SYT7: variants seen among roughly 807,000 people sequenced by gnomAD.
The protein encoded by SYT7 is synaptotagmin 7.
A neutral mutation model predicts 75.1 loss-of-function variants in SYT7; 29 were observed. The ratio of observed to expected loss-of-function variants is 0.39; its 90% CI spans 0.29 to 0.53. The LOEUF (loss-of-function observed/expected upper bound fraction) is 0.53, where lower values mean the gene tolerates loss of function less well. Ranked by LOEUF, SYT7 falls within the 20% of genes least tolerant of loss-of-function variation. SYT7 has a pLI of 0.77. For synonymous variants in SYT7, 376 were observed against 401.7 expected, an observed-to-expected ratio of 0.94 and a Z score of 0.76; for missense variants, 693 against 953.2, an observed-to-expected ratio of 0.73 and a Z score of 3.59.
chr11:61,561,169 C>T (rs547094734), intron 1 of SYT7, among the ~76,000 whole-genome samples: 3 of 152,306 alleles, frequency 2.0e-5, no homozygotes, highest in African/African-American at 7.2e-5. Flanking sequence ...CCTAGTCAGC[C>T]TTTTGACAGG....
At chr11:61,574,148 C>T (rs2064002112) in intron 1 of SYT7, among the ~76,000 whole-genome samples, 1 of 152,242 alleles carries the variant, frequency 6.6e-6, no homozygotes, top group South Asian at 2.1e-4. Flanking sequence ...TTGCTTGGTA[C>T]AGGACAATGT....
At chr11:61,571,441 G>A (rs537442898) in intron 1 of SYT7, among the ~76,000 whole-genome samples, 144 of 152,346 alleles carry the variant, frequency 9.5e-4, no homozygotes, top group Middle Eastern at 6.8e-3. Flanking sequence ...ACGTGTTCCC[G>A]TCTCTGAGCA....
chr11:61,550,098 A>T (rs1015999867), intron 3 of SYT7, among the ~76,000 whole-genome samples: 3 of 152,156 alleles, frequency 2.0e-5, no homozygotes, highest in Non-Finnish European at 4.4e-5. Flanking sequence ...CCCTGCCAGC[A>T]CTTGGCTTTG....
In SYT7 at chr11:61,551,474, A is replaced by G. The variant is rs374922970; in HGVS notation, c.136-11T>C. 4.3e-6 allele frequency: 7 copies of G among 1,613,420 alleles called. No individual in the cohort carries two copies. In the African/African-American group the frequency reaches 9.3e-5, roughly 22 times the overall value. On this transcript the variant is annotated splice_polypyrimidine_tract_variant and intron_variant, in intron 2 of 12. Coordinates refer to ENST00000539008, the MANE Select transcript of SYT7 (RefSeq NM_001365809.2). The surrounding 1 kb of genome is among the most constrained non-coding windows in gnomAD (Gnocchi z 5.3). ...CTTGTAGCGTTTGCCCTGTGGAGAT[A>G]GCACTAGGATCACTCCTGGGGAACA...
intron 7 of SYT7, among the ~76,000 whole-genome samples, chr11:61,536,034 C>T (rs1377606057): frequency 2.0e-5 from 3 of 152,094 alleles, no homozygotes; most frequent in African/African-American, 7.2e-5. Flanking sequence ...GGAGAGTCTG[C>T]TGGGAAGGAA....
At chr11:61,540,546 G>T (rs767847158) in intron 6 of SYT7, 4 of 985,532 alleles carry the variant, frequency 4.1e-6, no homozygotes, top group Non-Finnish European at 4.8e-6. Context: ...AGCAACTAGG[G>T]GGACATGAGA....
rs763698723 is a variant in SYT7 at position 61,527,963 on chromosome 11, T to C, written c.1423A>G (p.Lys475Glu). 6.2e-7 allele frequency: 1 copy of C among 1,614,002 alleles called. No homozygotes were observed. Among genetic ancestry groups the C allele is most frequent in the Non-Finnish European group, 8.5e-7 (1 of 1,180,014 alleles). ...DKKHKLETKV[K>E]RKNLNPHWNE... ...CAGTGGGGGTTCAGGTTCTTCCGCT[T>C]CACCTTGGTCTCCAGCTTGTGCTTC... Residue 475 changes from lysine (K) to glutamate (E), a missense_variant, in exon 9 of 13, where the codon AAG (lysine) becomes GAG (glutamate). By Grantham distance (56) the Lys-to-Glu change is moderately conservative. Coordinates refer to ENST00000539008, the MANE Select transcript of SYT7 (RefSeq NM_001365809.2).
intron 1 of SYT7, among the ~76,000 whole-genome samples, chr11:61,562,547 G>A (rs1044507493): frequency 2.6e-5 from 4 of 152,182 alleles, no homozygotes; most frequent in Non-Finnish European, 5.9e-5. Context: ...GATATCTGGG[G>A]CACGGAGTTG....
chr11:61,554,616 G>A (rs2063442719), intron 2 of SYT7, among the ~76,000 whole-genome samples: 2 of 152,096 alleles, frequency 1.3e-5, no homozygotes, highest in African/African-American at 4.8e-5. Flanking sequence ...AGCCTAAGGG[G>A]CCCTGCAACA....
chr11:61,547,412 C>T, intron 3 of SYT7, 104 bp from the exon 4 acceptor site: 2 of 1,372,400 alleles, frequency 1.5e-6, no homozygotes, highest in Non-Finnish European at 2.0e-6. Flanking sequence ...GGGCCGGGCA[C>T]ACAGTGGGCG....
chr11:61,527,309 A>G (rs2062550247), intron 9 of SYT7, among the ~76,000 whole-genome samples: 1 of 152,208 alleles, frequency 6.6e-6, no homozygotes, highest in Admixed American at 6.5e-5. Context: ...TGCTTTTACA[A>G]TTCACTCATT....
chr11:61,523,984 G>A lies in SYT7; in HGVS notation c.1642-43C>T, dbSNP rs1214142546. 1 of 1,580,314 alleles carries A rather than the reference G, an allele frequency of 6.3e-7. No homozygotes were observed. The highest frequency in any genetic ancestry group is 8.7e-7 in the Non-Finnish European group (1 of 1,149,880). On this transcript the variant is annotated intron_variant, in intron 10 of 12. Coordinates refer to ENST00000539008, the MANE Select transcript of SYT7 (RefSeq NM_001365809.2). The surrounding 1 kb of genome is among the most constrained non-coding windows in gnomAD (Gnocchi z 5.0). Reference sequence around the variant, plus strand: ...AGGGGTGTGGGGAACTAGGCTAGCAGAGCTCTCTGATTGGCCTAGCTGCCC... The same window carrying A: ...AGGGGTGTGGGGAACTAGGCTAGCAAAGCTCTCTGATTGGCCTAGCTGCCC...
At chr11:61,556,239 T>A in intron 1 of SYT7, 32 bp from the exon 2 acceptor site, 1 of 1,580,658 alleles carries the variant, frequency 6.3e-7, no homozygotes, top group Non-Finnish European at 8.6e-7. Flanking sequence ...CACACCCTCA[T>A]TGGCCAGGGC....
Position 61,517,822 on chromosome 11 carries a change from A to C in SYT7, c.*805T>G. 9 of 212,688 alleles carry C rather than the reference A, an allele frequency of 4.2e-5. No homozygotes were observed. The highest frequency in any genetic ancestry group is 6.7e-5 in the Admixed American group (1 of 14,858). 13.2% of individuals were successfully genotyped at this position (212,688 alleles called of 1,614,324 possible). On this transcript the variant is annotated 3_prime_UTR_variant, in exon 13 of 13. Transcript: ENST00000539008. ...GGGAACTACTTCAGATTCTGAGCAG[A>C]GGGGGGCACCAAGGGGAGAAGGGGA... is the stretch of plus-strand genomic sequence containing the variant.
In SYT7 at chr11:61,524,324, T is replaced by C. The variant is rs746238580; in HGVS notation, c.1641+39A>G. The C allele has an allele frequency of 8.8e-5, 142 of 1,609,812 alleles. No homozygotes were observed. Among genetic ancestry groups the C allele is most frequent in the Non-Finnish European group, 1.0e-4 (118 of 1,177,960 alleles). On this transcript the variant is annotated intron_variant, in intron 10 of 12. Transcript: ENST00000539008. The surrounding 1 kb of genome is among the most constrained non-coding windows in gnomAD (Gnocchi z 4.1). ...GGGACCAGATCTCCCAGCCCTGCCC[T>C]GCTGCCTGTCCAGCTAAGACCCACC...
intron 5 of SYT7, among the ~76,000 whole-genome samples, chr11:61,545,393 G>A (rs925510603): frequency 7.2e-5 from 11 of 152,244 alleles, no homozygotes; most frequent in Admixed American, 1.3e-4. Flanking sequence ...GGGATAGCTC[G>A]GTGACCAAGA....
Position 61,581,019 on chromosome 11 carries a change from T to TGCC in SYT7, c.-202_-200dup, listed in dbSNP as rs893711205. 5 of 771,864 alleles carry TGCC rather than the reference T, an allele frequency of 6.5e-6. No individual in the cohort carries two copies. Among genetic ancestry groups the TGCC allele is most frequent in the East Asian group, 1.4e-4 (1 of 7,256 alleles). The allele number at this position is 771,864 out of a possible 1,614,324, so 47.8% of individuals were successfully genotyped here. A position where few individuals can be genotyped will look rare whatever the true frequency, so the allele number is the denominator to read the frequency against. On this transcript the variant is annotated 5_prime_UTR_variant, in exon 1 of 13. Transcript: ENST00000539008. ...CCTCCCGCCCGCCCGCGGAGCACGCTGCCGCCGCCGCCGAACAGCGCCGAG... is the reference window on the plus strand; with the variant it reads ...CCTCCCGCCCGCCCGCGGAGCACGCTGCCGCCGCCGCCGCCGAACAGCGCCGAG...
rs142277654 is a variant in SYT7 at position 61,554,449 on chromosome 11, G to C, written c.135+1655C>G. ...ACGGACACGCACAGACAGACAGACA[G>C]ACACACACACACAGACACACACACA... is the stretch of plus-strand genomic sequence containing the variant. On this transcript the variant is annotated intron_variant, in intron 2 of 12. Transcript: ENST00000539008. Among the ~76,000 whole-genome samples, 939 of 151,472 alleles carry C rather than the reference G, an allele frequency of 6.2e-3. 11 individuals are homozygous for C. Among genetic ancestry groups the C allele is most frequent in the African/African-American group, 0.022 (892 of 41,052 alleles).
Position 61,547,310 on chromosome 11 carries a change from T to C in SYT7, c.216-2A>G, listed in dbSNP as rs1353845630. 1 of 1,535,204 alleles carries C rather than the reference T, an allele frequency of 6.5e-7. No homozygotes were observed. The highest frequency in any genetic ancestry group is 1.4e-5 in the African/African-American group (1 of 72,902). ...TTCCAAAAGTCTCTGTCTAGATCAC[T>C]GGAGGGGCAGAGAGAGAGGGGAGAA... is the stretch of plus-strand genomic sequence containing the variant. On this transcript the variant is annotated splice_acceptor_variant, in intron 3 of 12. Transcript: ENST00000539008. LOFTEE classifies it high-confidence loss of function.
Sources: allele counts gnomAD v4.1 joint callset (sites outside exome capture counted in the v4.1 genomes callset), GRCh38; gene constraint gnomAD v4.1.1; non-coding constraint Gnocchi (gnomAD v3.1); transcripts MANE v1.5; gene names NCBI Gene and HGNC (gene_info 2026-07-23, HGNC 2026-07-21).